The following LHFPL3 variants were observed in gnomAD, a reference collection of about 807,000 sequenced individuals.
LHFPL3 encodes the protein LHFPL tetraspan subfamily member 3.
A neutral mutation model predicts 19.3 loss-of-function variants in LHFPL3; 5 were observed. The observed-to-expected ratio is 0.26, with a 90% CI of 0.14 to 0.54. The LOEUF (loss-of-function observed/expected upper bound fraction) is 0.54. Ranked by LOEUF, LHFPL3 falls within the 20% of genes least tolerant of loss-of-function variation. The pLI is 0.94. For missense variants in LHFPL3, 249 were observed against 307.4 expected, an observed-to-expected ratio of 0.81 and a Z score of 1.42; for synonymous variants, 133 against 126.2, an observed-to-expected ratio of 1.05 and a Z score of -0.36.
chr7:104,499,877 A>C (rs1310342237), intron 1 of LHFPL3, among the ~76,000 whole-genome samples: 1 of 152,258 alleles, frequency 6.6e-6, no homozygotes, highest in Non-Finnish European at 1.5e-5. Context: ...TACCAGTAGA[A>C]GAAAAAAAGG....
chr7:104,523,141 A>G (rs894774492), intron 1 of LHFPL3, among the ~76,000 whole-genome samples: 5 of 152,178 alleles, frequency 3.3e-5, no homozygotes, highest in Non-Finnish European at 5.9e-5. Flanking sequence ...AAAACTTCAT[A>G]TAAAGTATGC....
At chr7:104,749,953 A>T (rs1413353457) in intron 2 of LHFPL3, among the ~76,000 whole-genome samples, 2 of 152,128 alleles carry the variant, frequency 1.3e-5, no homozygotes, top group African/African-American at 4.8e-5. Flanking sequence ...ATTTTTCCCT[A>T]GTCCCTTTCC....
chr7:104,708,384 T>C (rs946213427), intron 1 of LHFPL3, among the ~76,000 whole-genome samples: 1 of 152,200 alleles, frequency 6.6e-6, no homozygotes, highest in African/African-American at 2.4e-5. Context: ...ATAAACACTA[T>C]TGATGCTATA....
intron 1 of LHFPL3, among the ~76,000 whole-genome samples, chr7:104,357,313 T>C (rs1790298977): frequency 6.6e-6 from 1 of 152,170 alleles, no homozygotes; most frequent in Non-Finnish European, 1.5e-5. Context: ...ACGTGCAATT[T>C]TGACAGCCAG....
At chr7:104,590,277 G>T (rs1790682349) in intron 1 of LHFPL3, among the ~76,000 whole-genome samples, 1 of 151,956 alleles carries the variant, frequency 6.6e-6, no homozygotes, top group African/African-American at 2.4e-5. Flanking sequence ...TCTGCACACT[G>T]CTTTAAATGT....
chr7:104,426,629 C>A (rs910324705), intron 1 of LHFPL3, among the ~76,000 whole-genome samples: 2 of 152,120 alleles, frequency 1.3e-5, no homozygotes, highest in Non-Finnish European at 2.9e-5. Flanking sequence ...GAAAAGGACC[C>A]AATAAAGAGA....
At chr7:104,600,074 C>G (rs949618557) in intron 1 of LHFPL3, among the ~76,000 whole-genome samples, 3 of 152,172 alleles carry the variant, frequency 2.0e-5, no homozygotes, top group Non-Finnish European at 2.9e-5. Context: ...TGTCTGTGTA[C>G]AGAAACTCAC....
At chr7:104,427,755 C>T (rs1406828195) in intron 1 of LHFPL3, among the ~76,000 whole-genome samples, 4 of 152,168 alleles carry the variant, frequency 2.6e-5, no homozygotes, top group Non-Finnish European at 5.9e-5. Context: ...AAGTTCTGAA[C>T]TCTAGTTCAA....
At chr7:104,486,309 T>G (rs1403398888) in intron 1 of LHFPL3, among the ~76,000 whole-genome samples, 1 of 152,238 alleles carries the variant, frequency 6.6e-6, no homozygotes, top group Non-Finnish European at 1.5e-5. Context: ...TCATTTGTAC[T>G]TTCTGCTTTC....
chr7:104,393,664 C>CGA (rs1262165758), intron 1 of LHFPL3, among the ~76,000 whole-genome samples: 3 of 151,812 alleles, frequency 2.0e-5, no homozygotes, highest in African/African-American at 7.3e-5. Flanking sequence ...TGCAGTGAGC[C>CGA]GAGACCATGC....
intron 1 of LHFPL3, among the ~76,000 whole-genome samples, chr7:104,339,727 A>G (rs943161462): frequency 9.9e-5 from 15 of 152,214 alleles, no homozygotes; most frequent in African/African-American, 3.6e-4. Flanking sequence ...TTCCTCGTCA[A>G]GCATACTTAT....
intron 1 of LHFPL3, among the ~76,000 whole-genome samples, chr7:104,535,725 T>C (rs1017396428): frequency 6.6e-6 from 1 of 152,056 alleles, no homozygotes; most frequent in African/African-American, 2.4e-5. Flanking sequence ...CTTTGAGAGT[T>C]AAGGAACCTG....
intron 1 of LHFPL3, among the ~76,000 whole-genome samples, chr7:104,727,795 T>C (rs762830987): frequency 2.0e-5 from 3 of 151,956 alleles, no homozygotes; most frequent in Admixed American, 1.3e-4. Context: ...AGTGTAAAAG[T>C]AAGTGGGGGC....
At chr7:104,334,479 G>T (rs10270333) in intron 1 of LHFPL3, among the ~76,000 whole-genome samples, 2 of 152,166 alleles carry the variant, frequency 1.3e-5, no homozygotes, top group African/African-American at 4.8e-5. Flanking sequence ...CCCGCAAGGC[G>T]GAGGTTACAC....
At chr7:104,821,953 G>A (rs1197173263) in intron 2 of LHFPL3, among the ~76,000 whole-genome samples, 4 of 152,168 alleles carry the variant, frequency 2.6e-5, no homozygotes, top group South Asian at 2.1e-4. Context: ...ATAACAGGCC[G>A]CATATAGTAA....
intron 1 of LHFPL3, among the ~76,000 whole-genome samples, chr7:104,688,296 T>C (rs1049351054): frequency 2.0e-5 from 3 of 152,154 alleles, no homozygotes; most frequent in Non-Finnish European, 2.9e-5. Flanking sequence ...TCTTCTAAGA[T>C]TGCCCTGAGT....
rs979298346 is a variant in LHFPL3 at position 104,841,969 on chromosome 7, T to C, written c.683-64218T>C. 3.3e-5 allele frequency among the ~76,000 whole-genome samples: 5 copies of C among 152,072 alleles called. 1 individual carries two copies. The South Asian group carries it at 8.3e-4, about 25-fold the overall frequency. On this transcript the variant is annotated intron_variant, in intron 2 of 2. Transcript: ENST00000424859. ...GAGGCTTCATTTATCATGGTGCAGA[T>C]CCAGTGGGAGCCACTTCCTGTCCTG...
chr7:104,527,336 T>C (rs907292011), intron 1 of LHFPL3, among the ~76,000 whole-genome samples: 7 of 152,082 alleles, frequency 4.6e-5, no homozygotes, highest in Non-Finnish European at 8.8e-5. Context: ...CAGGTTTCTT[T>C]GTGCGGCAGG....
intron 1 of LHFPL3, among the ~76,000 whole-genome samples, chr7:104,369,419 CT>C (rs1790566848): frequency 6.6e-6 from 1 of 152,172 alleles, no homozygotes; most frequent in Non-Finnish European, 1.5e-5. Flanking sequence ...CTTTTCATTA[CT>C]GAATAGAATT....
Sources: allele counts gnomAD v4.1 joint callset (sites outside exome capture counted in the v4.1 genomes callset), GRCh38; gene constraint gnomAD v4.1.1; transcripts MANE v1.5; gene names NCBI Gene and HGNC (gene_info 2026-07-23, HGNC 2026-07-21).